The following GRIK3 variants were observed in gnomAD, a reference collection of about 807,000 sequenced individuals.
GRIK3 encodes the protein glutamate ionotropic receptor kainate type subunit 3.
Under a neutral mutation model 102.5 loss-of-function variants are expected in GRIK3, and 29 were observed. The ratio of observed to expected loss-of-function variants is 0.28; its 90% CI spans 0.21 to 0.39. The LOEUF (loss-of-function observed/expected upper bound fraction) is 0.39. GRIK3 is among the 10% of genes least tolerant of loss of function. GRIK3 has a pLI of 1.00. For missense variants in GRIK3, 908 were observed against 1,252.4 expected (o/e 0.73, Z 4.15); for synonymous variants, 511 against 504.9 (o/e 1.01, Z -0.16).
intron 1 of GRIK3, among the ~76,000 whole-genome samples, chr1:37,030,689 A>G (rs1055485772): frequency 2.6e-5 from 4 of 151,844 alleles, no homozygotes; most frequent in Non-Finnish European, 5.9e-5. Flanking sequence ...TGCTGCCACC[A>G]CTGTCTAGTT....
In GRIK3 at chr1:36,819,805, C is replaced by T. The variant is rs758626562; in HGVS notation, c.1804G>A (p.Glu602Lys). ...YDAHPCNPGS[E>K]VVENNFTLLN... ...AGAGTGAAGTTATTTTCCACCACCT[C>T]GGAGCCAGGGTTGCAGGGGTGAGCA... The change falls in exon 12 of 16, where the codon GAG (glutamate) becomes AAG (lysine). Residue 602 changes from glutamate to lysine, a missense_variant. By Grantham distance (56) the Glu-to-Lys change is moderately conservative (BLOSUM62 1). Coordinates refer to ENST00000373091, the MANE Select transcript of GRIK3 (RefSeq NM_000831.4). The surrounding 1 kb of genome is among the most constrained non-coding windows in gnomAD (Gnocchi z 4.1). The T allele has an allele frequency of 1.1e-5, 17 of 1,605,122 alleles. No homozygotes were observed. Among genetic ancestry groups the T allele is most frequent in the Non-Finnish European group, 1.3e-5 (15 of 1,174,760 alleles).
At chr1:36,919,371 T>TTTATTTTATG (rs1290241139) in intron 1 of GRIK3, among the ~76,000 whole-genome samples, 2 of 150,150 alleles carry the variant, frequency 1.3e-5, no homozygotes, top group Non-Finnish European at 2.9e-5. Flanking sequence ...TTTATTTTAT[T>TTTATTTTATG]TTATTTATTA....
intron 2 of GRIK3, among the ~76,000 whole-genome samples, chr1:36,888,210 A>C (rs374821967): frequency 1.3e-5 from 2 of 152,368 alleles, no homozygotes; most frequent in South Asian, 2.1e-4. Flanking sequence ...AACACTGTAC[A>C]TCAATGAAGA....
At chr1:36,926,134 GA>G (rs1366472701) in intron 1 of GRIK3, among the ~76,000 whole-genome samples, 1 of 152,212 alleles carries the variant, frequency 6.6e-6, no homozygotes, top group African/African-American at 2.4e-5. Flanking sequence ...CCAGTCCCAA[GA>G]ATTCTTAGGG....
intron 1 of GRIK3, among the ~76,000 whole-genome samples, chr1:36,961,652 CTGCTGGCTCCGACA>C (rs1283877642): frequency 6.6e-6 from 1 of 152,238 alleles, no homozygotes; most frequent in African/African-American, 2.4e-5. Context: ...CTCCAGGGTC[CTGCTGGCTCCGACA>C]TGAATGTCTC....
At chr1:36,925,316 A>G (rs539111139) in intron 1 of GRIK3, among the ~76,000 whole-genome samples, 1 of 152,314 alleles carries the variant, frequency 6.6e-6, no homozygotes, top group African/African-American at 2.4e-5. Context: ...CCACAACAGC[A>G]TACTCCGTGC....
At chr1:36,906,180 G>T (rs1208597409) in intron 1 of GRIK3, among the ~76,000 whole-genome samples, 2 of 152,188 alleles carry the variant, frequency 1.3e-5, no homozygotes, top group Non-Finnish European at 2.9e-5. Context: ...CAGGGCAGCC[G>T]AGAAGAACAG....
chr1:36,889,781 A>T (rs1641082052), intron 2 of GRIK3, among the ~76,000 whole-genome samples: 3 of 152,062 alleles, frequency 2.0e-5, no homozygotes, highest in Non-Finnish European at 4.4e-5. Context: ...GAGTCATTGT[A>T]TTATTTTAGT....
intron 1 of GRIK3, among the ~76,000 whole-genome samples, chr1:36,902,797 C>T (rs974608619): frequency 1.3e-5 from 2 of 150,080 alleles, no homozygotes; most frequent in African/African-American, 4.9e-5. Flanking sequence ...TGATGGACTA[C>T]TTTTTTTTTT....
At chr1:36,803,851 C>T (rs1344946048) in intron 15 of GRIK3, among the ~76,000 whole-genome samples, 1 of 152,118 alleles carries the variant, frequency 6.6e-6, no homozygotes, top group Non-Finnish European at 1.5e-5. Flanking sequence ...GGTGTTTACC[C>T]CTCCCTCCCA....
intron 1 of GRIK3, among the ~76,000 whole-genome samples, chr1:36,946,511 G>C (rs1570814498): frequency 6.6e-6 from 1 of 152,196 alleles, no homozygotes; most frequent in East Asian, 1.9e-4. Context: ...GGAAGGACTT[G>C]GGTAGTCTAG....
rs752777974 is a variant in GRIK3, at chr1:36,825,698, G to A, written c.1659C>T (p.Ser553=). The A allele has an allele frequency of 3.3e-5, 54 of 1,613,950 alleles. No individual in the cohort carries two copies. The South Asian group carries it at 3.6e-4, about 11-fold the overall frequency. ...LYRKPNGTNP[S]VFSFLNPLSP... ...ACAGGGGATTGAGGAAGGAGAAGAC[G>A]CTGGGGTTGGTGCCATTGGGCTTTC... The change falls in exon 11 of 16, where the codon AGC becomes AGT. Residue 553 remains serine, a synonymous_variant. Transcript: ENST00000373091.
rs1314579460 is a variant in GRIK3, at chr1:37,003,025, T to C, written c.115+30969A>G. Among the ~76,000 whole-genome samples, 246 of 149,050 alleles carry C rather than the reference T, an allele frequency of 1.7e-3. 1 individual carries two copies. Among genetic ancestry groups the C allele is most frequent in the African/African-American group, 5.8e-3 (234 of 40,050 alleles). On this transcript the variant is annotated intron_variant, in intron 1 of 15. Transcript: ENST00000373091. The stretch of plus-strand genomic sequence containing the variant: ...AAAGGGTTAATAAAAGCTGTTGTTT[T>C]TTTTTTTTTTTTTGTCCCAGAGGTA...
intron 1 of GRIK3, among the ~76,000 whole-genome samples, chr1:36,923,132 A>G (rs896269641): frequency 1.3e-5 from 2 of 152,266 alleles, no homozygotes; most frequent in African/African-American, 4.8e-5. Flanking sequence ...GTCGAGTGGC[A>G]AAGAAATACA....
intron 10 of GRIK3, among the ~76,000 whole-genome samples, chr1:36,833,581 G>A (rs990926813): frequency 6.6e-6 from 1 of 152,242 alleles, no homozygotes; most frequent in African/African-American, 2.4e-5. Context: ...CAATGGGATT[G>A]GGCGGAACCA....
At chr1:36,976,010 C>A (rs1278464962) in intron 1 of GRIK3, among the ~76,000 whole-genome samples, 1 of 152,184 alleles carries the variant, frequency 6.6e-6, no homozygotes, top group African/African-American at 2.4e-5. Context: ...GCTTTAACAG[C>A]AAAGAAGCAA....
intron 1 of GRIK3, among the ~76,000 whole-genome samples, chr1:36,951,466 G>T (rs987891953): frequency 4.6e-5 from 7 of 152,180 alleles, no homozygotes; most frequent in African/African-American, 1.7e-4. Flanking sequence ...GGGTGGCCAC[G>T]TGACTGCTGG....
intron 1 of GRIK3, among the ~76,000 whole-genome samples, chr1:36,936,605 C>T (rs916522523): frequency 6.6e-6 from 1 of 152,148 alleles, no homozygotes; most frequent in African/African-American, 2.4e-5. Flanking sequence ...TCCCATTCTC[C>T]AGCTTTATTT....
chr1:36,941,143 G>A (rs1641714798), intron 1 of GRIK3, among the ~76,000 whole-genome samples: 1 of 152,128 alleles, frequency 6.6e-6, no homozygotes, highest in Non-Finnish European at 1.5e-5. Context: ...GGTCTCCCAT[G>A]ATAGAATGAT....
Sources: gnomAD v4.1 joint callset for allele counts (sites outside exome capture counted in the v4.1 genomes callset) on GRCh38, gnomAD v4.1.1 for gene constraint, Gnocchi (gnomAD v3.1) non-coding constraint, MANE v1.5 for transcripts, NCBI Gene and HGNC (gene_info 2026-07-23, HGNC 2026-07-21) for gene names.